Variants in SPPL3 observed in about 807,000 individuals in gnomAD.
The protein encoded by SPPL3 is signal peptide peptidase-like 3.
In SPPL3, 5 loss-of-function variants were observed where a neutral mutation model predicts 42.4. The ratio of observed to expected loss-of-function variants is 0.12; its 90% CI spans 0.06 to 0.25. The LOEUF (loss-of-function observed/expected upper bound fraction) is 0.25. SPPL3 is among the 10% of genes least tolerant of loss of function. The probability of loss-of-function intolerance (pLI) is 1.00; values close to 1 mark genes in which losing one functional copy is unlikely to be tolerated. For missense variants in SPPL3, 235 were observed against 489.0 expected (o/e 0.48, Z 4.90); for synonymous variants, 195 against 181.8 (o/e 1.07, Z -0.58).
intron 1 of SPPL3, among the ~76,000 whole-genome samples, chr12:120,830,050 A>G (rs567087124): frequency 3.3e-5 from 5 of 150,522 alleles, no homozygotes; most frequent in Admixed American, 3.3e-4. Flanking sequence ...ACCTTTAAAA[A>G]TCTGACTTTA....
rs535479401 is a variant in SPPL3 at position 120,819,875 on chromosome 12, C to G, written c.24-8989G>C. ...TGGAGAACACCATGATTACCAGGAC[C>G]GCCTGGTGCCACTGCCTTGATTCAG... On this transcript the variant is annotated intron_variant, in intron 1 of 10. Transcript: ENST00000353487. 2.3e-4 allele frequency among the ~76,000 whole-genome samples: 35 copies of G among 152,240 alleles called. No individual in the cohort carries two copies. In the East Asian group the frequency reaches 6.5e-3, roughly 28 times the overall value.
At chr12:120,881,196 C>T (rs1056826093) in intron 1 of SPPL3, among the ~76,000 whole-genome samples, 42 of 151,258 alleles carry the variant, frequency 2.8e-4, no homozygotes, top group Admixed American at 1.3e-4. Context: ...TGCCCAGGTG[C>T]GGTGGCTCCC....
At chr12:120,767,254 C>A (rs1014078590) in intron 9 of SPPL3, 140 bp downstream of exon 9, 2 of 845,410 alleles carry the variant, frequency 2.4e-6, no homozygotes, top group Admixed American at 5.1e-5. Flanking sequence ...TAGCATCTCA[C>A]GGGCCAGGCT....
At chr12:120,852,896 T>TAATATACATATCATATATATTTC (rs1872307936) in intron 1 of SPPL3, among the ~76,000 whole-genome samples, 2 of 142,062 alleles carry the variant, frequency 1.4e-5, no homozygotes, top group Admixed American at 7.2e-5. Context: ...ATTTCATATA[T>TAATATACATATCATATATATTTC]ATATATATAT....
chr12:120,792,605 C>G (rs1012176975), intron 2 of SPPL3, among the ~76,000 whole-genome samples: 5 of 143,736 alleles, frequency 3.5e-5, no homozygotes, highest in African/African-American at 1.3e-4. Context: ...GAGGCTGAGG[C>G]AGGATAATTG....
At chr12:120,790,255 G>C (rs757939571) in intron 3 of SPPL3, among the ~76,000 whole-genome samples, 22 of 152,076 alleles carry the variant, frequency 1.4e-4, no homozygotes, top group Non-Finnish European at 2.9e-4. Flanking sequence ...TAAATGAGTC[G>C]ACTTACCGTC....
At chr12:120,785,981 G>C (rs1180512374) in intron 3 of SPPL3, among the ~76,000 whole-genome samples, 2 of 150,706 alleles carry the variant, frequency 1.3e-5, no homozygotes, top group Non-Finnish European at 3.0e-5. Context: ...TATGTAACCA[G>C]GATAAACATA....
chr12:120,830,031 A>G (rs1871348639), intron 1 of SPPL3, among the ~76,000 whole-genome samples: 1 of 150,810 alleles, frequency 6.6e-6, no homozygotes, highest in Non-Finnish European at 1.5e-5. Context: ...TTCACTGTTC[A>G]CGAACTACAC....
intron 1 of SPPL3, among the ~76,000 whole-genome samples, chr12:120,862,704 A>T (rs1257869796): frequency 6.6e-6 from 1 of 152,154 alleles, no homozygotes; most frequent in Non-Finnish European, 1.5e-5. Flanking sequence ...AAGCTCTCAG[A>T]ACTCAATTTT....
At chr12:120,774,740 T>C (rs1869250848) in intron 6 of SPPL3, among the ~76,000 whole-genome samples, 1 of 151,956 alleles carries the variant, frequency 6.6e-6, no homozygotes, top group Non-Finnish European at 1.5e-5. Context: ...GTCATTCAAG[T>C]AACCCTTAAA....
chr12:120,882,589 T>A (rs917531361), intron 1 of SPPL3, among the ~76,000 whole-genome samples: 1 of 152,100 alleles, frequency 6.6e-6, no homozygotes, highest in African/African-American at 2.4e-5. Context: ...ACTAGAGAGA[T>A]TGAATACAGT....
chr12:120,768,254 G>GA, intron 8 of SPPL3, 71 bp downstream of exon 8: 1 of 1,530,688 alleles, frequency 6.5e-7, no homozygotes, highest in Non-Finnish European at 8.8e-7. Flanking sequence ...GATGACATTA[G>GA]AGACTGATCA....
At chr12:120,845,051 G>T in intron 1 of SPPL3, 1 of 273,268 alleles carries the variant, frequency 3.7e-6, no homozygotes. Context: ...CTGGAGCCAA[G>T]TGTTTGCCAC....
chr12:120,819,670 T>C (rs150959872), intron 1 of SPPL3, among the ~76,000 whole-genome samples: 7 of 152,284 alleles, frequency 4.6e-5, no homozygotes, highest in African/African-American at 1.4e-4. Flanking sequence ...AGATAACCAA[T>C]GGTACTTTGG....
intron 2 of SPPL3, among the ~76,000 whole-genome samples, chr12:120,792,977 A>G (rs1391259433): frequency 6.6e-6 from 1 of 152,242 alleles, no homozygotes; most frequent in Non-Finnish European, 1.5e-5. Flanking sequence ...ACACTAACCA[A>G]AAAGTCAAAA....
chr12:120,774,194 G>A (rs1354556092), intron 6 of SPPL3, among the ~76,000 whole-genome samples: 4 of 152,108 alleles, frequency 2.6e-5, no homozygotes, highest in Non-Finnish European at 5.9e-5. Flanking sequence ...GCCATTCTGA[G>A]GTGTTATCCT....
intron 1 of SPPL3, among the ~76,000 whole-genome samples, chr12:120,863,659 T>A (rs1057061906): frequency 2.6e-5 from 4 of 152,188 alleles, no homozygotes; most frequent in East Asian, 1.9e-4. Flanking sequence ...GTAGGTTTTT[T>A]AATTCTTTTT....
intron 1 of SPPL3, among the ~76,000 whole-genome samples, chr12:120,827,793 AT>A (rs397754270): frequency 3.9e-4 from 58 of 148,374 alleles, no homozygotes; most frequent in Middle Eastern, 6.9e-3. Flanking sequence ...GTCTCAAATA[AT>A]TTTTTTTTTT....
At chr12:120,783,610 T>C in intron 5 of SPPL3, 64 bp downstream of exon 5, 2 of 1,421,760 alleles carry the variant, frequency 1.4e-6, no homozygotes, top group Non-Finnish European at 1.9e-6. Flanking sequence ...CTAATAATGC[T>C]ATCAAATATG....
Sources: allele counts gnomAD v4.1 joint callset (sites outside exome capture counted in the v4.1 genomes callset), GRCh38; gene constraint gnomAD v4.1.1; transcripts MANE v1.5; gene names NCBI Gene and HGNC (gene_info 2026-07-23, HGNC 2026-07-21).